ANKRD44: variants seen among roughly 807,000 people sequenced by gnomAD.
ANKRD44 encodes serine/threonine-protein phosphatase 6 regulatory ankyrin repeat subunit B.
Under a neutral mutation model 116.0 loss-of-function variants are expected in ANKRD44, and 35 were observed. That is an observed-to-expected ratio of 0.30 (90% confidence interval 0.23 to 0.40). The LOEUF is 0.40. Among genes scored for constraint, ANKRD44 ranks in the 10% least tolerant of loss-of-function variants. ANKRD44 has a pLI of 1.00. For missense variants in ANKRD44, 1,014 were observed against 1,242.6 expected, an observed-to-expected ratio of 0.82 and a Z score of 2.77; for synonymous variants, 435 against 461.8, an observed-to-expected ratio of 0.94 and a Z score of 0.74.
At chr2:196,979,392 A>C (rs1388027702) in intron 21 of ANKRD44, among the ~76,000 whole-genome samples, 1 of 148,702 alleles carries the variant, frequency 6.7e-6, no homozygotes, top group Admixed American at 6.7e-5. Context: ...CAAAAAAAAA[A>C]AAAAAAAAAA....
At chr2:197,267,204 G>A (rs1460967610) in intron 1 of ANKRD44, among the ~76,000 whole-genome samples, 1 of 152,210 alleles carries the variant, frequency 6.6e-6, no homozygotes, top group Non-Finnish European at 1.5e-5. Flanking sequence ...ACATTTTGCA[G>A]ATGACTAAGG....
At chr2:197,012,073 T>C (rs76718629) in intron 18 of ANKRD44, among the ~76,000 whole-genome samples, 11,798 of 152,244 alleles carry the variant, frequency 0.077, 560 homozygotes, top group African/African-American at 0.14. Flanking sequence ...ACTCAAAATA[T>C]TGGCCTCTCA....
intron 1 of ANKRD44, among the ~76,000 whole-genome samples, chr2:197,191,063 A>C (rs1169111063): frequency 6.6e-6 from 1 of 152,240 alleles, no homozygotes; most frequent in Non-Finnish European, 1.5e-5. Flanking sequence ...AAAGAAATTT[A>C]AATTCCTAAG....
chr2:197,083,288 G>A (rs1008263083), intron 14 of ANKRD44, 81 bp downstream of exon 14: 9 of 1,483,944 alleles, frequency 6.1e-6, no homozygotes, highest in South Asian at 5.6e-5. Flanking sequence ...TCCATGAGGC[G>A]GTATGAAGAA....
intron 1 of ANKRD44, among the ~76,000 whole-genome samples, chr2:197,235,704 T>C (rs1196894374): frequency 2.0e-5 from 3 of 148,112 alleles, no homozygotes; most frequent in African/African-American, 7.5e-5. Context: ...AATAATACAA[T>C]ACAAATATTA....
intron 1 of ANKRD44, among the ~76,000 whole-genome samples, chr2:197,259,362 T>G (rs751175319): frequency 6.6e-6 from 1 of 152,170 alleles, no homozygotes; most frequent in Non-Finnish European, 1.5e-5. Context: ...GACTCAACCT[T>G]AAGAATAACT....
chr2:197,200,044 A>G (rs1250166354), intron 1 of ANKRD44, among the ~76,000 whole-genome samples: 1 of 152,232 alleles, frequency 6.6e-6, no homozygotes, highest in Non-Finnish European at 1.5e-5. Flanking sequence ...TATACAAAAG[A>G]AATGTGTGAC....
intron 17 of ANKRD44, among the ~76,000 whole-genome samples, chr2:197,019,725 A>C (rs1435143270): frequency 6.6e-6 from 1 of 152,190 alleles, no homozygotes; most frequent in Non-Finnish European, 1.5e-5. Context: ...AGGATGGTAT[A>C]ATGAATTGCC....
At chr2:197,121,831 C>T (rs2078861461) in intron 7 of ANKRD44, among the ~76,000 whole-genome samples, 1 of 152,280 alleles carries the variant, frequency 6.6e-6, no homozygotes, top group South Asian at 2.1e-4. Context: ...AAGGGCAAAG[C>T]TGCTTTCAAA....
chr2:197,069,092 C>T (rs1005446541), intron 16 of ANKRD44, among the ~76,000 whole-genome samples: 2 of 152,064 alleles, frequency 1.3e-5, no homozygotes, highest in Admixed American at 1.3e-4. Context: ...ATGTGGCACA[C>T]ATACACCATG....
intron 1 of ANKRD44, among the ~76,000 whole-genome samples, chr2:197,204,420 G>T (rs1347251841): frequency 6.6e-6 from 1 of 151,982 alleles, no homozygotes; most frequent in Admixed American, 6.6e-5. Context: ...CTTTAAAGAT[G>T]GGACCACTGA....
rs534978527 is a variant in ANKRD44 at position 196,995,379 on chromosome 2, G to A, written c.2831C>T (p.Thr944Ile). ...GTCCAACTTTAGTAGTTACACTTAC[G>A]TCTGCAGTGCATTATTTTTTTCATT... ...LINEKNNALQ[T>I]PLHVAARNGL... Residue 944 changes from threonine (T) to isoleucine (I), a missense_variant and splice_region_variant, in exon 26 of 28, where the codon ACA becomes ATA. Transcript: ENST00000282272. 2.3e-5 allele frequency: 37 copies of A among 1,607,134 alleles called. No homozygotes were observed. In the East Asian group the frequency reaches 2.9e-4, roughly 13 times the overall value.
At chr2:197,125,264 T>C in intron 6 of ANKRD44, 117 bp downstream of exon 6, 2 of 950,198 alleles carry the variant, frequency 2.1e-6, no homozygotes, top group Non-Finnish European at 3.3e-6. Context: ...TTCATTCAAT[T>C]GCAACCCAAG....
intron 16 of ANKRD44, among the ~76,000 whole-genome samples, chr2:197,059,795 C>G (rs2077273212): frequency 6.6e-6 from 1 of 152,136 alleles, no homozygotes; most frequent in South Asian, 2.1e-4. Context: ...GTGGCTGATG[C>G]AACTATCATC....
chr2:197,221,020 C>T (rs1056211163), intron 1 of ANKRD44, among the ~76,000 whole-genome samples: 24 of 152,092 alleles, frequency 1.6e-4, no homozygotes, highest in South Asian at 1.0e-3. Context: ...GAGGCCAAGA[C>T]GGGCAGATCA....
rs1416174315 is a variant in ANKRD44 at position 196,988,689 on chromosome 2, A to G, written c.*902T>C. Reference sequence around the variant, plus strand: ...TAGCAATTTCCAGGGTGGAAATGGAACTCATTATAAAACGTCAGAGAGTAC... The same window carrying G: ...TAGCAATTTCCAGGGTGGAAATGGAGCTCATTATAAAACGTCAGAGAGTAC... On this transcript the variant is annotated 3_prime_UTR_variant, in exon 28 of 28. Coordinates refer to ENST00000282272, the MANE Select transcript of ANKRD44 (RefSeq NM_001195144.2). 3.0e-6 allele frequency: 3 copies of G among 985,282 alleles called. No homozygotes were observed. The African/African-American group carries it at 5.2e-5, about 17-fold the overall frequency. 61.0% of individuals were successfully genotyped at this position (985,282 alleles called of 1,614,324 possible).
At chr2:197,162,283 G>A (rs572126255) in intron 2 of ANKRD44, among the ~76,000 whole-genome samples, 50 of 152,170 alleles carry the variant, frequency 3.3e-4, no homozygotes, top group Non-Finnish European at 6.9e-4. Context: ...AATGTGACAA[G>A]ACATTGAGGC....
At chr2:197,082,983 A>G (rs995301989) in intron 14 of ANKRD44, among the ~76,000 whole-genome samples, 10 of 152,228 alleles carry the variant, frequency 6.6e-5, no homozygotes, top group African/African-American at 2.2e-4. Flanking sequence ...TGTTGGGATT[A>G]TGCATGGGTG....
chr2:197,275,258 G>A (rs945559036), intron 1 of ANKRD44, among the ~76,000 whole-genome samples: 1 of 151,720 alleles, frequency 6.6e-6, no homozygotes, highest in Non-Finnish European at 1.5e-5. Flanking sequence ...GAGACTACAG[G>A]CACATGCCAC....
Sources: gnomAD v4.1 joint callset for allele counts (sites outside exome capture counted in the v4.1 genomes callset) on GRCh38, gnomAD v4.1.1 for gene constraint, MANE v1.5 for transcripts, NCBI Gene and HGNC (gene_info 2026-07-23, HGNC 2026-07-21) for gene names.